The following MYT1 variants were observed in gnomAD, a reference collection of about 807,000 sequenced individuals.
MYT1 encodes myelin transcription factor I.
Under a neutral mutation model 123.0 loss-of-function variants are expected in MYT1, and 23 were observed. The observed-to-expected ratio is 0.19, with a 90% CI of 0.13 to 0.26. The LOEUF is 0.26. Among genes scored for constraint, MYT1 ranks in the 10% least tolerant of loss-of-function variants. The probability of loss-of-function intolerance (pLI) is 1.00; values close to 1 mark genes in which losing one functional copy is unlikely to be tolerated. For missense variants in MYT1, 1,125 were observed against 1,472.5 expected (o/e 0.76, Z 3.86); for synonymous variants, 518 against 575.3 (o/e 0.90, Z 1.43).
rs765733969 is a variant in MYT1, at chr20:64,213,539, C to G, written c.1523C>G (p.Ser508Cys). ...NSNRNTHRSLSGCPIAAAEKL... is the reference protein window; with the variant it reads ...NSNRNTHRSLCGCPIAAAEKL... ...CCTCCTCTTCCTTCCTCTAGTTTGT[C>G]TGGGTGTCCCATTGCTGCCGCCGAA... The change falls in exon 10 of 23, where the codon TCT (serine) becomes TGT (cysteine). Residue 508 changes from serine to cysteine, a missense_variant. Ser to Cys is a moderately radical substitution (Grantham distance 112, BLOSUM62 -1). Around this residue, in one of 4 missense-constraint regions of MYT1, gnomAD observed 429 missense variants for 604.1 expected, o/e 0.71. Coordinates refer to ENST00000328439, the MANE Select transcript of MYT1 (RefSeq NM_004535.3). This position sits in a 1 kb window ranked among gnomAD's most constrained non-coding sequence, Gnocchi z 5.6. 6.2e-7 allele frequency: 1 copy of G among 1,613,902 alleles called. No homozygotes were observed. Among genetic ancestry groups the G allele is most frequent in the Non-Finnish European group, 8.5e-7 (1 of 1,179,850 alleles).
chr20:64,184,755 T>G (rs1186531662), intron 1 of MYT1, among the ~76,000 whole-genome samples: 1 of 152,192 alleles, frequency 6.6e-6, no homozygotes, highest in African/African-American at 2.4e-5. Context: ...AGGATGACCC[T>G]CAGGGTTCTG....
chr20:64,217,425 G>A (rs1001102026), intron 11 of MYT1, 144 bp downstream of exon 11: 25 of 890,216 alleles, frequency 2.8e-5, no homozygotes, highest in Non-Finnish European at 4.3e-5. Context: ...GATGCAGGCT[G>A]GAGGTCTCAG....
chr20:64,215,935 A>G (rs987836659), intron 10 of MYT1, among the ~76,000 whole-genome samples: 30 of 151,238 alleles, frequency 2.0e-4, no homozygotes, highest in African/African-American at 7.3e-4. Context: ...TCCTGGCCTC[A>G]CTCTTGCAAC....
chr20:64,202,631 G>T lies in MYT1; in HGVS notation c.87-2404G>T, dbSNP rs915085818. Reference sequence around the variant, plus strand: ...GGCAGGGAAGGCAGTGTCTTCAAAGGCTAGTAGCTGAAGCATGGGGCTCCA... The same window carrying T: ...GGCAGGGAAGGCAGTGTCTTCAAAGTCTAGTAGCTGAAGCATGGGGCTCCA... On this transcript the variant is annotated intron_variant, in intron 4 of 22. Coordinates refer to ENST00000328439, the MANE Select transcript of MYT1 (RefSeq NM_004535.3). The surrounding 1 kb of genome is among the most constrained non-coding windows in gnomAD (Gnocchi z 5.0). Among the ~76,000 whole-genome samples, 3 of 152,010 alleles carry T rather than the reference G, an allele frequency of 2.0e-5. No individual in the cohort carries two copies. The highest frequency in any genetic ancestry group is 4.4e-5 in the Non-Finnish European group (3 of 68,032).
At chr20:64,205,371 G>A (rs572359941) in intron 5 of MYT1, among the ~76,000 whole-genome samples, 182 bp from the exon 6 acceptor site, 28 of 152,294 alleles carry the variant, frequency 1.8e-4, no homozygotes, top group African/African-American at 6.3e-4. Context: ...CCATGTGGGC[G>A]AAGACAGACC....
chr20:64,223,295 T>G lies in MYT1; in HGVS notation c.2464T>G (p.Ser822Ala). Residue 822 changes from serine (S) to alanine (A), a missense_variant, in exon 16 of 23, where the codon TCT becomes GCT. By Grantham distance (99) the Ser-to-Ala change is moderately conservative. Transcript: ENST00000328439. ...ATCCCATCTCTTCTCTTTCAGCCTC[T>G]CTGGTTGCCCTCTTGCTGACAAGAG... The part of the protein sequence containing the change: ...TGNYASHRSL[S>A]GCPLADKSLR... The G allele has an allele frequency of 6.2e-7, 1 of 1,614,188 alleles. No homozygotes were observed.
chr20:64,223,725 G>A (rs563370836), intron 16 of MYT1, among the ~76,000 whole-genome samples: 4 of 152,256 alleles, frequency 2.6e-5, no homozygotes, highest in African/African-American at 9.6e-5. Context: ...GCCCAGAACC[G>A]ACCAGGGAAC....
At chr20:64,204,348 A>T (rs1187800507) in intron 4 of MYT1, among the ~76,000 whole-genome samples, 1 of 152,236 alleles carries the variant, frequency 6.6e-6, no homozygotes, top group Non-Finnish European at 1.5e-5. Context: ...CAGGAGGGTC[A>T]GTGTCACCCC....
rs986272528 is a variant in MYT1, at chr20:64,231,023, C to T, written c.2676-1141C>T. On this transcript the variant is annotated intron_variant, in intron 18 of 22. Transcript: ENST00000328439. This position sits in a 1 kb window ranked among gnomAD's most constrained non-coding sequence, Gnocchi z 6.4. Reference sequence around the variant, plus strand: ...CCTGAGCCGCCTCTCACCCCTACGGCGGGAGCCTCTGCCCCCGCCCCCGCC... The same window carrying T: ...CCTGAGCCGCCTCTCACCCCTACGGTGGGAGCCTCTGCCCCCGCCCCCGCC... Among the ~76,000 whole-genome samples the T allele has an allele frequency of 6.6e-6, 1 of 152,126 alleles. No individual in the cohort carries two copies. The highest frequency in any genetic ancestry group is 1.5e-5 in the Non-Finnish European group (1 of 68,002).
In MYT1 at chr20:64,212,031, C is replaced by A. The variant is rs769613382; in HGVS notation, c.1427-17C>A. The A allele has an allele frequency of 1.9e-6, 3 of 1,607,988 alleles. No homozygotes were observed. The highest frequency in any genetic ancestry group is 1.7e-6 in the Non-Finnish European group (2 of 1,174,860). On this transcript the variant is annotated splice_polypyrimidine_tract_variant and intron_variant, in intron 8 of 22. Transcript: ENST00000328439. This position sits in a 1 kb window ranked among gnomAD's most constrained non-coding sequence, Gnocchi z 6.8. ...CTCTGACAGCCTCGGCTCCCTCCAC[C>A]CCCTGTTCTCTTACAGTCTTAGCCA...
intron 1 of MYT1, among the ~76,000 whole-genome samples, chr20:64,170,235 T>C (rs1422628157): frequency 6.6e-6 from 1 of 152,176 alleles, no homozygotes; most frequent in Non-Finnish European, 1.5e-5. Flanking sequence ...GGGCCCTCCT[T>C]TACTTACCTT....
chr20:64,228,287 G>A (rs1415098043), intron 18 of MYT1, among the ~76,000 whole-genome samples: 1 of 152,204 alleles, frequency 6.6e-6, no homozygotes, highest in Non-Finnish European at 1.5e-5. Flanking sequence ...GGCCACCTGG[G>A]AGTGGGCCCC....
chr20:64,235,612 C>A (rs1984495698), intron 19 of MYT1, among the ~76,000 whole-genome samples: 3 of 137,920 alleles, frequency 2.2e-5, no homozygotes, highest in African/African-American at 5.5e-5. Context: ...TGACCCCGAG[C>A]TGGCTGTGGT....
intron 2 of MYT1, among the ~76,000 whole-genome samples, chr20:64,197,106 A>C (rs1157312191): frequency 6.6e-6 from 1 of 152,220 alleles, no homozygotes; most frequent in Non-Finnish European, 1.5e-5. Context: ...TAAAAATAGA[A>C]ATTGTAGTAA....
chr20:64,236,572 G>A lies in MYT1; in HGVS notation c.2915G>A (p.Arg972Lys). ...LTHRSLSGCPRATFAGKKGKL... is the reference protein window; with the variant it reads ...LTHRSLSGCPKATFAGKKGKL... ...GCTTCCAGTTTGTCAGGCTGTCCCA[G>A]AGCAACCTTTGCTGGAAAGAAGGGA... The change falls in exon 20 of 23, where the codon AGA becomes AAA. Residue 972 changes from arginine to lysine, a missense_variant. Physicochemically the swap from Arg to Lys is conservative, Grantham distance 26 (BLOSUM62 2). Transcript: ENST00000328439. 2 of 1,613,704 alleles carry A rather than the reference G, an allele frequency of 1.2e-6. No individual in the cohort carries two copies. The highest frequency in any genetic ancestry group is 1.7e-6 in the Non-Finnish European group (2 of 1,179,848).
intron 2 of MYT1, among the ~76,000 whole-genome samples, chr20:64,198,056 C>A (rs369652273): frequency 1.3e-5 from 2 of 151,854 alleles, no homozygotes; most frequent in Admixed American, 6.6e-5. Context: ...GAGGCCGAGA[C>A]GGGCGGATCA....
At position 64,208,041 on chromosome 20, in the gene MYT1, A is replaced by C. The variant is rs745623930; in HGVS notation, c.845A>C (p.Glu282Ala). 6.2e-7 allele frequency: 1 copy of C among 1,601,332 alleles called. No individual in the cohort carries two copies. The highest frequency in any genetic ancestry group is 1.7e-5 in the Admixed American group (1 of 59,444). The change falls in exon 7 of 23, where the codon GAG (glutamate) becomes GCG (alanine). Residue 282 changes from glutamate to alanine, a missense_variant. Physicochemically the swap from Glu to Ala is moderately radical, Grantham distance 107. Coordinates refer to ENST00000328439, the MANE Select transcript of MYT1 (RefSeq NM_004535.3). This position sits in a 1 kb window ranked among gnomAD's most constrained non-coding sequence, Gnocchi z 5.4. ...EEDEEEEEEE[E>A]EEEEEEEEEE... ...GATGAAGAAGAGGAAGAGGAAGAGGAGGAGGAAGAGGAAGAGGAGGAGGAG... is the reference window on the plus strand; with the variant it reads ...GATGAAGAAGAGGAAGAGGAAGAGGCGGAGGAAGAGGAAGAGGAGGAGGAG...
At chr20:64,183,223 A>T (rs1186598073) in intron 1 of MYT1, among the ~76,000 whole-genome samples, 1 of 152,212 alleles carries the variant, frequency 6.6e-6, no homozygotes, top group Non-Finnish European at 1.5e-5. Flanking sequence ...AAGCAACTTC[A>T]TTCCTTTTTA....
chr20:64,171,319 G>A (rs1396790868), intron 1 of MYT1, among the ~76,000 whole-genome samples: 1 of 152,148 alleles, frequency 6.6e-6, no homozygotes, highest in East Asian at 1.9e-4. Flanking sequence ...AGGTGCATCA[G>A]CCAGATAGGG....
Sources: allele counts gnomAD v4.1 joint callset (sites outside exome capture counted in the v4.1 genomes callset), GRCh38; gene constraint gnomAD v4.1.1; regional missense constraint gnomAD v4.1.1; non-coding constraint Gnocchi (gnomAD v3.1); transcripts MANE v1.5; gene names NCBI Gene and HGNC (gene_info 2026-07-23, HGNC 2026-07-21).